TRIM2: variants seen among roughly 807,000 people sequenced by gnomAD.
The protein encoded by TRIM2 is tripartite motif containing 2.
Under a neutral mutation model 75.2 loss-of-function variants are expected in TRIM2, and 20 were observed. The ratio of observed to expected loss-of-function variants is 0.27; its 90% CI spans 0.19 to 0.39. TRIM2 has a LOEUF of 0.39. TRIM2 is among the 10% of genes least tolerant of loss of function. The probability of loss-of-function intolerance (pLI) is 1.00; values close to 1 mark genes in which losing one functional copy is unlikely to be tolerated. For missense variants in TRIM2, 660 were observed against 990.8 expected (o/e 0.67, Z 4.48); for synonymous variants, 373 against 388.3 (o/e 0.96, Z 0.46).
Position 153,276,094 on chromosome 4 carries a change from G to C in TRIM2, c.417G>C (p.Ala139=). 1 of 1,614,092 alleles carries C rather than the reference G, an allele frequency of 6.2e-7. No individual in the cohort carries two copies. The highest frequency in any genetic ancestry group is 8.5e-7 in the Non-Finnish European group (1 of 1,179,958). Residue 139 remains alanine, a synonymous_variant, in exon 3 of 12, where the codon GCG becomes GCC. Transcript: ENST00000338700. The part of the protein sequence containing the change: ...SILETVTAVA[A]GKPLSCPNHD... ...TGGAGACAGTCACTGCTGTGGCTGC[G>C]GGAAAGCCTCTCTCTTGCCCAAACC...
Position 153,337,489 on chromosome 4 carries a change from A to T in TRIM2, c.*2523A>T. The T allele has an allele frequency of 1.0e-6, 1 of 985,852 alleles. No individual in the cohort carries two copies. Among genetic ancestry groups the T allele is most frequent in the Non-Finnish European group, 1.2e-6 (1 of 829,934 alleles). The allele number at this position is 985,852 out of a possible 1,614,324, so 61.1% of individuals were successfully genotyped here. The stretch of plus-strand genomic sequence containing the variant: ...TGTTGCTAAAACACATGCTATGAGC[A>T]CTCCAGGAAACACTATATTTTTTCC... On this transcript the variant is annotated 3_prime_UTR_variant, in exon 12 of 12. Transcript: ENST00000338700.
chr4:153,182,415 C>G (rs148261525), intron 1 of TRIM2, among the ~76,000 whole-genome samples: 92 of 152,296 alleles, frequency 6.0e-4, no homozygotes, highest in Non-Finnish European at 1.1e-3. Flanking sequence ...TAGAGTCCAC[C>G]TGCACAGCTC....
chr4:153,231,264 T>A (rs1743535478), intron 1 of TRIM2, among the ~76,000 whole-genome samples: 1 of 152,176 alleles, frequency 6.6e-6, no homozygotes, highest in Admixed American at 6.5e-5. Flanking sequence ...TAGGAAACCA[T>A]TAGGGAGTCA....
chr4:153,164,734 T>C (rs1335172454), intron 1 of TRIM2, among the ~76,000 whole-genome samples: 2 of 152,188 alleles, frequency 1.3e-5, no homozygotes, highest in Non-Finnish European at 2.9e-5. Context: ...CTCTCACTTA[T>C]AGTAGATGAG....
At chr4:153,286,763 G>T (rs950920768) in intron 3 of TRIM2, among the ~76,000 whole-genome samples, 2 of 39,840 alleles carry the variant, frequency 5.0e-5, no homozygotes, top group Non-Finnish European at 1.0e-4. Context: ...CCACCACCCC[G>T]CACCCCCCCA....
intron 1 of TRIM2, among the ~76,000 whole-genome samples, chr4:153,214,221 G>A (rs1270458629): frequency 6.6e-6 from 1 of 152,174 alleles, no homozygotes; most frequent in Non-Finnish European, 1.5e-5. Flanking sequence ...GCATTTCCAT[G>A]AGCACTGTGT....
intron 1 of TRIM2, among the ~76,000 whole-genome samples, chr4:153,182,795 C>T (rs969876294): frequency 2.1e-4 from 32 of 152,160 alleles, no homozygotes; most frequent in African/African-American, 7.7e-4. Context: ...GTTCCTTAGT[C>T]TCTAAAAGTG....
chr4:153,279,649 A>G (rs1421333376), intron 3 of TRIM2, among the ~76,000 whole-genome samples: 1 of 152,110 alleles, frequency 6.6e-6, no homozygotes, highest in Non-Finnish European at 1.5e-5. Flanking sequence ...CTACAAAAAA[A>G]TCAAAACATG....
intron 6 of TRIM2, among the ~76,000 whole-genome samples, chr4:153,313,627 C>CTTTTT (rs398051309): frequency 4.1e-5 from 4 of 98,528 alleles, no homozygotes; most frequent in South Asian, 3.3e-4. Flanking sequence ...AGCAATGGCT[C>CTTTTT]TTTTTTTTTT....
chr4:153,234,170 G>A (rs140511441), intron 1 of TRIM2, among the ~76,000 whole-genome samples: 3 of 152,286 alleles, frequency 2.0e-5, no homozygotes, highest in East Asian at 1.9e-4. Context: ...TGTCCTTGGG[G>A]CATTATTTGG....
At position 153,260,700 on chromosome 4, in the gene TRIM2, C is replaced by CCACACA. The variant is rs1185919053; in HGVS notation, c.31-9614_31-9609dup. On this transcript the variant is annotated intron_variant, in intron 1 of 11. Transcript: ENST00000338700. ...CCCACCCACACACCCACCCCCCCCCCCACACACACACACACACACACACAC... is the reference window on the plus strand; with the variant it reads ...CCCACCCACACACCCACCCCCCCCCCCACACACACACACACACACACACACACACAC... Among the ~76,000 whole-genome samples, 615 of 66,974 alleles carry CCACACA rather than the reference C, an allele frequency of 9.2e-3. 11 individuals carry two copies. The highest frequency in any genetic ancestry group is 0.018 in the Middle Eastern group (2 of 112). 43.9% of individuals were successfully genotyped at this position (66,974 alleles called of 152,430 possible). A position where few individuals can be genotyped will look rare whatever the true frequency, so the allele number is the denominator to read the frequency against.
At chr4:153,316,873 CTTTT>C (rs11397245) in intron 8 of TRIM2, among the ~76,000 whole-genome samples, 7 of 61,582 alleles carry the variant, frequency 1.1e-4, no homozygotes, top group South Asian at 8.6e-4. Flanking sequence ...TGCATTATGC[CTTTT>C]TTTTTTTTTT....
Position 153,336,602 on chromosome 4 carries a change from T to C in TRIM2, c.*1636T>C, listed in dbSNP as rs528847369. ...TTTTGATAGTGACTTTGGGGTCTTC[T>C]TCACTGAAAGCACCTTAGAACTGTA... is the stretch of plus-strand genomic sequence containing the variant. On this transcript the variant is annotated 3_prime_UTR_variant, in exon 12 of 12. Transcript: ENST00000338700. 84 of 985,824 alleles carry C rather than the reference T, an allele frequency of 8.5e-5. No individual in the cohort carries two copies. In the Middle Eastern group the frequency reaches 2.1e-3, roughly 25 times the overall value. The allele number at this position is 985,824 out of a possible 1,614,324, so 61.1% of individuals were successfully genotyped here.
At chr4:153,305,348 G>T (rs1461287432) in intron 6 of TRIM2, among the ~76,000 whole-genome samples, 1 of 152,166 alleles carries the variant, frequency 6.6e-6, no homozygotes, top group Non-Finnish European at 1.5e-5. Flanking sequence ...ATTAAATAGT[G>T]TCCAGTACAT....
At chr4:153,286,988 T>C (rs762025502) in intron 3 of TRIM2, among the ~76,000 whole-genome samples, 6 of 152,056 alleles carry the variant, frequency 3.9e-5, no homozygotes, top group Non-Finnish European at 8.8e-5. Flanking sequence ...TTTCTCTCTC[T>C]CTTTTTTTAA....
chr4:153,283,199 C>T (rs1233925396), intron 3 of TRIM2, among the ~76,000 whole-genome samples: 2 of 152,154 alleles, frequency 1.3e-5, no homozygotes, highest in African/African-American at 4.8e-5. Flanking sequence ...AACTCCATGC[C>T]CTTTAAGCAG....
At chr4:153,252,216 G>C (rs1043793482) in intron 1 of TRIM2, among the ~76,000 whole-genome samples, 1 of 152,166 alleles carries the variant, frequency 6.6e-6, no homozygotes, top group Non-Finnish European at 1.5e-5. Flanking sequence ...GCCTCTTCTA[G>C]TTGGTTATAT....
intron 1 of TRIM2, among the ~76,000 whole-genome samples, chr4:153,177,236 T>C (rs1731536834): frequency 6.6e-6 from 1 of 152,256 alleles, no homozygotes; most frequent in Admixed American, 6.5e-5. Flanking sequence ...CGAGGTTCTC[T>C]GAAAGTTGTC....
At position 153,204,451 on chromosome 4, in the gene TRIM2, G is replaced by T. The variant is rs778393378; in HGVS notation, c.-80G>T. The T allele has an allele frequency of 1.6e-5, 25 of 1,516,978 alleles. No homozygotes were observed. The highest frequency in any genetic ancestry group is 2.2e-5 in the Non-Finnish European group (25 of 1,115,874). 94.0% of individuals were successfully genotyped at this position (1,516,978 alleles called of 1,614,324 possible). A position where few individuals can be genotyped will look rare whatever the true frequency, so the allele number is the denominator to read the frequency against. ...GGGCCACCCTTTAACTCGGCAGCTT[G>T]ATGACTATAATGGGCCCAGTTGTCT... On this transcript the variant is annotated 5_prime_UTR_variant, in exon 1 of 12. Coordinates refer to ENST00000338700, the MANE Select transcript of TRIM2 (RefSeq NM_015271.5).
Sources: gnomAD v4.1 joint callset for allele counts (sites outside exome capture counted in the v4.1 genomes callset) on GRCh38, gnomAD v4.1.1 for gene constraint, MANE v1.5 for transcripts, NCBI Gene and HGNC (gene_info 2026-07-23, HGNC 2026-07-21) for gene names.